ZNF444: variants seen among roughly 807,000 people sequenced by gnomAD.
The protein encoded by ZNF444 is zinc finger protein 444, also known as endothelial zinc finger protein 2.
Under a neutral mutation model 14.4 loss-of-function variants are expected in ZNF444, and 8 were observed. The observed-to-expected ratio is 0.56, with a 90% CI of 0.33 to 1.00. The LOEUF is 1.00. Among genes scored for constraint, ZNF444 ranks in the 50% least tolerant of loss-of-function variants. The probability of loss-of-function intolerance (pLI) is 0.03; values close to 1 mark genes in which losing one functional copy is unlikely to be tolerated. For synonymous variants in ZNF444, 258 were observed against 235.9 expected, an observed-to-expected ratio of 1.09 and a Z score of -0.86; for missense variants, 510 against 504.8, an observed-to-expected ratio of 1.01 and a Z score of -0.10.
At position 56,160,009 on chromosome 19, in the gene ZNF444, C is replaced by T; in HGVS notation, c.792C>T (p.His264=). ...ECGKTFYWRE[H]LVRHRKTHSG... Reference sequence around the variant, plus strand: ...GCAAGACCTTCTACTGGCGCGAGCACCTGGTGCGCCACCGCAAGACGCACT... The same window carrying T: ...GCAAGACCTTCTACTGGCGCGAGCATCTGGTGCGCCACCGCAAGACGCACT... The change falls in exon 5 of 5, where the codon CAC becomes CAT. Residue 264 remains histidine (H), a synonymous_variant. Coordinates refer to ENST00000337080, the MANE Select transcript of ZNF444 (RefSeq NM_018337.4). 1 of 1,512,962 alleles carries T rather than the reference C, an allele frequency of 6.6e-7. No homozygotes were observed. Among genetic ancestry groups the T allele is most frequent in the East Asian group, 2.6e-5 (1 of 38,038 alleles). 93.7% of individuals were successfully genotyped at this position (1,512,962 alleles called of 1,614,324 possible).
At chr19:56,136,816 T>C (rs1443638263), upstream of ZNF444, among the ~76,000 whole-genome samples, 1 of 152,056 alleles carries the variant, frequency 6.6e-6, no homozygotes, top group Non-Finnish European at 1.5e-5. Flanking sequence ...AGTTTCACTC[T>C]TGTTGCCCAG....
In ZNF444 at chr19:56,147,414, C is replaced by T. The variant is rs796310240; in HGVS notation, c.297+206C>T. Among the ~76,000 whole-genome samples, 9 of 152,252 alleles carry T rather than the reference C, an allele frequency of 5.9e-5. No individual in the cohort carries two copies. The highest frequency in any genetic ancestry group is 2.2e-4 in the African/African-American group (9 of 41,550). ...CCACACCAGCTGCAAGTCAGGAGGG[C>T]CCCAAGACCCTGGCATACTTGCGAG... is the stretch of plus-strand genomic sequence containing the variant. On this transcript the variant is annotated intron_variant, in intron 3 of 4. Coordinates refer to ENST00000337080, the MANE Select transcript of ZNF444 (RefSeq NM_018337.4). This position sits in a 1 kb window ranked among gnomAD's most constrained non-coding sequence, Gnocchi z 5.9.
rs979752786 is a variant in ZNF444 at position 56,146,996 on chromosome 19, G to T, written c.85G>T (p.Gly29Cys). 21 of 1,443,208 alleles carry T rather than the reference G, an allele frequency of 1.5e-5. No homozygotes were observed. Among genetic ancestry groups the T allele is most frequent in the Non-Finnish European group, 1.6e-5 (18 of 1,106,940 alleles). The allele number at this position is 1,443,208 out of a possible 1,614,324, so 89.4% of individuals were successfully genotyped here. The part of the protein sequence containing the change: ...PWHRFRRFHL[G>C]DAPGPREALG... Reference sequence around the variant, plus strand: ...GCACCGCTTCCGCCGCTTCCACCTGGGCGACGCGCCGGGCCCGCGGGAGGC... The same window carrying T: ...GCACCGCTTCCGCCGCTTCCACCTGTGCGACGCGCCGGGCCCGCGGGAGGC... The change falls in exon 3 of 5, where the codon GGC (glycine) becomes TGC (cysteine). Residue 29 changes from glycine to cysteine, a missense_variant. Physicochemically the swap from Gly to Cys is radical, Grantham distance 159. Coordinates refer to ENST00000337080, the MANE Select transcript of ZNF444 (RefSeq NM_018337.4).
At position 56,144,168 on chromosome 19, in the gene ZNF444, G is replaced by C. The variant is rs768085484; in HGVS notation, c.-196-2079G>C. On this transcript the variant is annotated intron_variant, in intron 1 of 4. Transcript: ENST00000337080. The surrounding 1 kb of genome is among the most constrained non-coding windows in gnomAD (Gnocchi z 4.0). ...TACAAAAAATATAAAAATTAGCTGGGTGTGTTGGTGCCTGCCTGTGGTCCC... is the reference window on the plus strand; with the variant it reads ...TACAAAAAATATAAAAATTAGCTGGCTGTGTTGGTGCCTGCCTGTGGTCCC... Among the ~76,000 whole-genome samples the C allele has an allele frequency of 6.6e-6, 1 of 152,110 alleles. No homozygotes were observed. The highest frequency in any genetic ancestry group is 1.5e-5 in the Non-Finnish European group (1 of 68,022).
At chr19:56,141,068 C>G (rs2030763636), upstream of ZNF444, 1 of 152,042 alleles carries the variant, frequency 6.6e-6, no homozygotes, top group Non-Finnish European at 1.5e-5. Context: ...AAATGTAGTT[C>G]CAGTGTTGGC....
rs116533627 is a variant in ZNF444 at position 56,145,448 on chromosome 19, T to C, written c.-196-799T>C. Among the ~76,000 whole-genome samples the C allele has an allele frequency of 3.3e-3, 502 of 151,938 alleles. 5 individuals are homozygous for C. Among genetic ancestry groups the C allele is most frequent in the African/African-American group, 0.011 (457 of 41,422 alleles). On this transcript the variant is annotated intron_variant, in intron 1 of 4. Transcript: ENST00000337080. The surrounding 1 kb of genome is among the most constrained non-coding windows in gnomAD (Gnocchi z 4.3). Reference sequence around the variant, plus strand: ...TAAAAATACAAAAATTATCCGGACGTGGTAACGCACGTCTATAATCCCAGC... The same window carrying C: ...TAAAAATACAAAAATTATCCGGACGCGGTAACGCACGTCTATAATCCCAGC...
At chr19:56,158,425 T>G in intron 3 of ZNF444, 69 bp from the exon 4 acceptor site, 1 of 1,392,990 alleles carries the variant, frequency 7.2e-7, no homozygotes, top group Non-Finnish European at 9.8e-7. Context: ...TGGTCGACGG[T>G]GGTTGGGAGA....
At position 56,159,715 on chromosome 19, in the gene ZNF444, G is replaced by T; in HGVS notation, c.498G>T (p.Ala166=). ...AGGAGCCCAGCAGCCCCCCGCTGGCGCCTGGCCTGCCCGCCTTCCTAGCGG... is the reference window on the plus strand; with the variant it reads ...AGGAGCCCAGCAGCCCCCCGCTGGCTCCTGGCCTGCCCGCCTTCCTAGCGG... ...YKQEPSSPPL[A]PGLPAFLAAP... The change falls in exon 5 of 5, where the codon GCG becomes GCT. Residue 166 remains alanine (A), a synonymous_variant. Coordinates refer to ENST00000337080, the MANE Select transcript of ZNF444 (RefSeq NM_018337.4). 1 of 1,559,822 alleles carries T rather than the reference G, an allele frequency of 6.4e-7. No homozygotes were observed. The highest frequency in any genetic ancestry group is 1.2e-5 in the South Asian group (1 of 85,492).
At chr19:56,156,076 CA>C (rs1471574503) in intron 3 of ZNF444, 2 of 152,216 alleles carry the variant, frequency 1.3e-5, no homozygotes, top group Non-Finnish European at 1.5e-5. Flanking sequence ...ACCAGGGAAA[CA>C]TGTTTACCGA....
At chr19:56,137,802 G>A (rs1034126873), upstream of ZNF444, among the ~76,000 whole-genome samples, 8 of 152,256 alleles carry the variant, frequency 5.3e-5, no homozygotes, top group African/African-American at 1.7e-4. Context: ...AAGCAAAAGT[G>A]ACATGACCCT....
rs1046144 is a variant in ZNF444 at position 56,160,642 on chromosome 19, A to G, written c.*441A>G. ...GCAGGCCAGGCCCCCTTGGTGAAGC[A>G]GAGGCTGAAGGAAAGGGGTCTGGGT... is the stretch of plus-strand genomic sequence containing the variant. On this transcript the variant is annotated 3_prime_UTR_variant, in exon 5 of 5. Coordinates refer to ENST00000337080, the MANE Select transcript of ZNF444 (RefSeq NM_018337.4). The G allele has an allele frequency of 0.076, 12,913 of 169,210 alleles. 1,790 individuals are homozygous for G. Among genetic ancestry groups the G allele is most frequent in the African/African-American group, 0.29 (12,153 of 42,116 alleles). The allele number at this position is 169,210 out of a possible 1,614,324, so 10.5% of individuals were successfully genotyped here.
rs541494628 is a variant in ZNF444 at position 56,134,145 on chromosome 19, C to T, written c.-197+1367C>T. On this transcript the variant is annotated intron_variant, in intron 1 of 2. Transcript: ENST00000587467. ...ATCATCCACTCACCCATAAACCCAA[C>T]CCGAGCCTCCAGAGATGAACCAAAC... 4.6e-5 allele frequency among the ~76,000 whole-genome samples: 7 copies of T among 152,282 alleles called. No homozygotes were observed. In the South Asian group the frequency reaches 1.2e-3, roughly 27 times the overall value.
chr19:56,138,447 C>A (rs1468784583), upstream of ZNF444, among the ~76,000 whole-genome samples: 1 of 151,200 alleles, frequency 6.6e-6, no homozygotes, highest in Admixed American at 6.6e-5. Context: ...GGTAACATGG[C>A]AAAACGCTGT....
intron 3 of ZNF444, chr19:56,156,668 T>G (rs1358528710): frequency 6.6e-6 from 1 of 152,246 alleles, no homozygotes; most frequent in African/African-American, 2.4e-5. Context: ...GGCCTAAAGC[T>G]TCCCATCGTT....
intron 3 of ZNF444, 125 bp from the exon 4 acceptor site, chr19:56,158,369 C>A: frequency 1.1e-6 from 1 of 904,382 alleles, no homozygotes; most frequent in Non-Finnish European, 1.6e-6. Flanking sequence ...TCAGTGTCGC[C>A]CAGCATGACT....
intron 3 of ZNF444, among the ~76,000 whole-genome samples, chr19:56,152,538 G>A (rs2031651356): frequency 6.7e-6 from 1 of 150,010 alleles, no homozygotes. Context: ...GTTTCTGTGT[G>A]AATACACGTT....
Position 56,144,914 on chromosome 19 carries a change from G to A in ZNF444, c.-196-1333G>A, listed in dbSNP as rs142630123. On this transcript the variant is annotated intron_variant, in intron 1 of 4. Coordinates refer to ENST00000337080, the MANE Select transcript of ZNF444 (RefSeq NM_018337.4). The surrounding 1 kb of genome is among the most constrained non-coding windows in gnomAD (Gnocchi z 4.0). ...GTCCCTTCTGTCTTGATCTTCCAGT[G>A]TCCTTGAGGTCAGGGGCCGGCAGTC... 3.9e-4 allele frequency among the ~76,000 whole-genome samples: 59 copies of A among 152,370 alleles called. No homozygotes were observed. The East Asian group carries it at 0.01, about 26-fold the overall frequency.
At chr19:56,141,643 C>A (rs1158141004) in intron 1 of ZNF444, 1 of 9,388 alleles carries the variant, frequency 1.1e-4, no homozygotes, top group Non-Finnish European at 5.0e-4. Flanking sequence ...GGGAGGGGCG[C>A]CTGGGGGAGG....
chr19:56,135,553 T>C (rs898668686), intron 1 of ZNF444, among the ~76,000 whole-genome samples: 2 of 152,034 alleles, frequency 1.3e-5, no homozygotes, highest in African/African-American at 4.8e-5. Context: ...CCAGCCCTCA[T>C]GGTACCCAGG....
Sources: gnomAD v4.1 joint callset for allele counts (sites outside exome capture counted in the v4.1 genomes callset) on GRCh38, gnomAD v4.1.1 for gene constraint, Gnocchi (gnomAD v3.1) non-coding constraint, MANE v1.5 for transcripts, NCBI Gene and HGNC (gene_info 2026-07-23, HGNC 2026-07-21) for gene names.